The following EIF2A variants were observed in gnomAD, a reference collection of about 807,000 sequenced individuals.
The protein encoded by EIF2A is eukaryotic translation initiation factor 2A, also known as 65 kDa eukaryotic translation initiation factor 2A.
EIF2A carries 62 observed loss-of-function variants against 75.2 expected under a neutral mutation model. The observed-to-expected ratio is 0.82, with a 90% CI of 0.67 to 1.02. EIF2A has a LOEUF of 1.02. Among genes scored for constraint, EIF2A ranks in the 50% least tolerant of loss-of-function variants. The probability of loss-of-function intolerance (pLI) is 0.00; values close to 1 mark genes in which losing one functional copy is unlikely to be tolerated. For synonymous variants in EIF2A, 207 were observed against 239.0 expected (o/e 0.87, Z 1.23); for missense variants, 611 against 677.7 (o/e 0.90, Z 1.09).
At chr3:150,559,498 C>CTTTTTTTTTT (rs36038911) in intron 3 of EIF2A, among the ~76,000 whole-genome samples, 1 of 110,576 alleles carries the variant, frequency 9.0e-6, no homozygotes, top group Non-Finnish European at 1.8e-5. Flanking sequence ...ATGCCCAGCC[C>CTTTTTTTTTT]TTTTTTTTTT....
intron 11 of EIF2A, among the ~76,000 whole-genome samples, chr3:150,576,267 C>A (rs141495656): frequency 2.0e-3 from 310 of 152,060 alleles, no homozygotes; most frequent in African/African-American, 7.1e-3. Flanking sequence ...GTGAGACCCC[C>A]ATCTCTATGA....
chr3:150,581,707 G>C lies in EIF2A; in HGVS notation c.1587G>C (p.Gly529=). The C allele has an allele frequency of 6.4e-7, 1 of 1,555,526 alleles. No individual in the cohort carries two copies. Among genetic ancestry groups the C allele is most frequent in the Non-Finnish European group, 8.7e-7 (1 of 1,148,974 alleles). Residue 529 remains glycine, a synonymous_variant, in exon 12 of 14, where the codon GGG becomes GGC. Coordinates refer to ENST00000460851, the MANE Select transcript of EIF2A (RefSeq NM_032025.5). Reference sequence around the variant, plus strand: ...ACACTGTCTCTCAGTCAATTTCTGGGGACCCTGAGATAGACAAAAAAATCA... The same window carrying C: ...ACACTGTCTCTCAGTCAATTTCTGGCGACCCTGAGATAGACAAAAAAATCA... ...PRNTVSQSIS[G]DPEIDKKIKN...
chr3:150,584,669 T>C lies in EIF2A; in HGVS notation c.*758T>C, dbSNP rs1725371508. ...AGGAAATGATTGTTTGTTACTGTTATATACATGTATTTTTATCAGAGATGG... is the reference window on the plus strand; with the variant it reads ...AGGAAATGATTGTTTGTTACTGTTACATACATGTATTTTTATCAGAGATGG... On this transcript the variant is annotated 3_prime_UTR_variant, in exon 14 of 14. Coordinates refer to ENST00000460851, the MANE Select transcript of EIF2A (RefSeq NM_032025.5). Among the ~76,000 whole-genome samples the C allele has an allele frequency of 1.3e-5, 2 of 152,238 alleles. No individual in the cohort carries two copies. Among genetic ancestry groups the C allele is most frequent in the Admixed American group, 6.5e-5 (1 of 15,286 alleles).
At position 150,572,019 on chromosome 3, in the gene EIF2A, A is replaced by T. The variant is rs758158284; in HGVS notation, c.873A>T (p.Val291=). 6.2e-7 allele frequency: 1 copy of T among 1,613,924 alleles called. No individual in the cohort carries two copies. The highest frequency in any genetic ancestry group is 1.1e-5 in the South Asian group (1 of 91,086). ...WNSSSTEFCA[V]YGFMPAKATI... is the part of the protein sequence containing the mutation. ...CTAGTTCTACTGAGTTTTGTGCTGT[A>T]TATGGTTTTATGCCTGCCAAAGCGA... The change falls in exon 10 of 14, where the codon GTA becomes GTT. Residue 291 remains valine, a synonymous_variant. Transcript: ENST00000460851.
chr3:150,583,734 G>T, intron 13 of EIF2A, 112 bp from the exon 14 acceptor site: 1 of 933,972 alleles, frequency 1.1e-6, no homozygotes, highest in South Asian at 1.6e-5. Flanking sequence ...TTTAAAATCT[G>T]TGTTTACTAG....
chr3:150,573,091 T>C (rs1026400770), intron 10 of EIF2A, among the ~76,000 whole-genome samples: 1 of 152,144 alleles, frequency 6.6e-6, no homozygotes, highest in African/African-American at 2.4e-5. Context: ...TTTCCTTACC[T>C]CAGATAAAAA....
At chr3:150,578,969 C>T (rs952716269) in intron 11 of EIF2A, among the ~76,000 whole-genome samples, 2 of 152,222 alleles carry the variant, frequency 1.3e-5, no homozygotes, top group South Asian at 4.2e-4. Flanking sequence ...TTAATCTTAC[C>T]ATATATACGT....
At chr3:150,551,584 C>T (rs1451256334) in intron 1 of EIF2A, among the ~76,000 whole-genome samples, 4 of 151,506 alleles carry the variant, frequency 2.6e-5, no homozygotes. Flanking sequence ...AAAAAATAGC[C>T]AAGCAGGGTG....
intron 6 of EIF2A, chr3:150,567,148 T>C (rs1576597489): frequency 6.6e-6 from 1 of 152,376 alleles, no homozygotes; most frequent in East Asian, 1.9e-4. Context: ...TTGATCTAAT[T>C]AACTAGAGTG....
chr3:150,580,618 T>A (rs1254091521), intron 11 of EIF2A, among the ~76,000 whole-genome samples: 1 of 152,132 alleles, frequency 6.6e-6, no homozygotes, highest in African/African-American at 2.4e-5. Flanking sequence ...TCATAGCAAA[T>A]CAGCATACAA....
rs372989404 is a variant in EIF2A at position 150,583,868 on chromosome 3, C to T, written c.1715C>T (p.Thr572Ile). The T allele has an allele frequency of 1.1e-5, 18 of 1,613,296 alleles. No homozygotes were observed. Among genetic ancestry groups the T allele is most frequent in the Non-Finnish European group, 3.4e-6 (4 of 1,179,654 alleles). The change falls in exon 14 of 14, where the codon ACA becomes ATA. Residue 572 changes from threonine (T) to isoleucine (I), a missense_variant. Transcript: ENST00000460851. ...KNQLEKIQKE[T>I]ALLQELEDLE... ...TAGTTGGAGAAAATTCAGAAAGAAA[C>T]AGCCCTTCTCCAGGAGCTGGAAGAT...
chr3:150,558,304 GT>G, intron 2 of EIF2A, 83 bp from the exon 3 acceptor site: 1 of 1,209,566 alleles, frequency 8.3e-7, no homozygotes, highest in Non-Finnish European at 1.1e-6. Context: ...TAAATTGATA[GT>G]GAAATGGTTG....
In EIF2A at chr3:150,560,716, C is replaced by CTTTTT. The variant is rs71138455; in HGVS notation, c.174-1810_174-1806dup. 1.1e-4 allele frequency among the ~76,000 whole-genome samples: 13 copies of CTTTTT among 120,674 alleles called. 1 individual carries two copies. Among genetic ancestry groups the CTTTTT allele is most frequent in the Non-Finnish European group, 8.6e-5 (5 of 58,164 alleles). 79.2% of individuals were successfully genotyped at this position (120,674 alleles called of 152,430 possible). A position where few individuals can be genotyped will look rare whatever the true frequency, so the allele number is the denominator to read the frequency against. On this transcript the variant is annotated intron_variant, in intron 3 of 13. Transcript: ENST00000460851. ...CAACTTCTGGAATAAGATGGAGAGT[C>CTTTTT]TTTTTTTTTTTTTTTTTTTTGTTAA...
intron 2 of EIF2A, 33 bp from the exon 3 acceptor site, chr3:150,558,355 T>C (rs1313553956): frequency 3.4e-6 from 5 of 1,460,112 alleles, no homozygotes; most frequent in African/African-American, 3.0e-5. Flanking sequence ...TTAATGCTTA[T>C]TCATTTAAAC....
intron 2 of EIF2A, among the ~76,000 whole-genome samples, chr3:150,556,829 G>T (rs1180898904): frequency 1.3e-5 from 2 of 152,288 alleles, no homozygotes; most frequent in South Asian, 4.1e-4. Flanking sequence ...TAATCATTGC[G>T]ATAAGGGGGT....
At chr3:150,552,744 T>G in intron 2 of EIF2A, 1 of 185,004 alleles carries the variant, frequency 5.4e-6, no homozygotes, top group Non-Finnish European at 1.1e-5. Context: ...GCAAATTTGA[T>G]AGCCAAATCA....
chr3:150,562,187 C>T (rs1337077840), intron 3 of EIF2A, among the ~76,000 whole-genome samples: 2 of 152,080 alleles, frequency 1.3e-5, no homozygotes, highest in Non-Finnish European at 2.9e-5. Flanking sequence ...CTTTGGGAGG[C>T]CAAGGCGGGC....
Position 150,558,472 on chromosome 3 carries a change from C to A in EIF2A, c.173+10C>A. 6.7e-7 allele frequency: 1 copy of A among 1,484,236 alleles called. No individual in the cohort carries two copies. Among genetic ancestry groups the A allele is most frequent in the South Asian group, 1.4e-5 (1 of 71,066 alleles). The allele number at this position is 1,484,236 out of a possible 1,614,324, so 91.9% of individuals were successfully genotyped here. The stretch of plus-strand genomic sequence containing the variant: ...GGGGCAATGGAGAAAAGTTAGTGTT[C>A]ATTTACATAACATATTTTGTGTGTC... On this transcript the variant is annotated intron_variant, in intron 3 of 13. Coordinates refer to ENST00000460851, the MANE Select transcript of EIF2A (RefSeq NM_032025.5).
chr3:150,561,038 A>G (rs1047547962), intron 3 of EIF2A, among the ~76,000 whole-genome samples: 4 of 152,184 alleles, frequency 2.6e-5, no homozygotes, highest in African/African-American at 7.2e-5. Flanking sequence ...TCTTAGAATC[A>G]TATCTTTTAG....
Sources: gnomAD v4.1 joint callset for allele counts (sites outside exome capture counted in the v4.1 genomes callset) on GRCh38, gnomAD v4.1.1 for gene constraint, MANE v1.5 for transcripts, NCBI Gene and HGNC (gene_info 2026-07-23, HGNC 2026-07-21) for gene names.